CACNA1B: variants seen among roughly 807,000 people sequenced by gnomAD.
CACNA1B encodes calcium voltage-gated channel subunit alpha1 B.
Under a neutral mutation model 247.2 loss-of-function variants are expected in CACNA1B, and 70 were observed. The ratio of observed to expected loss-of-function variants is 0.28; its 90% CI spans 0.23 to 0.35. The LOEUF is 0.35. Ranked by LOEUF, CACNA1B falls within the 10% of genes least tolerant of loss-of-function variation. The pLI, the probability that CACNA1B is intolerant of heterozygous loss-of-function variation, is 1.00. For missense variants in CACNA1B, 2,367 were observed against 3,197.4 expected, an observed-to-expected ratio of 0.74 and a Z score of 6.26; for synonymous variants, 1,231 against 1,294.4, an observed-to-expected ratio of 0.95 and a Z score of 1.05.
At chr9:137,956,107 G>C (rs897522024) in intron 8 of CACNA1B, among the ~76,000 whole-genome samples, 1 of 152,086 alleles carries the variant, frequency 6.6e-6, no homozygotes, top group Non-Finnish European at 1.5e-5. Flanking sequence ...CTGACTCTGG[G>C]TTTTGTCAAG....
chr9:138,107,329 C>T (rs1324657233), intron 39 of CACNA1B, among the ~76,000 whole-genome samples: 8 of 151,890 alleles, frequency 5.3e-5, no homozygotes, highest in Middle Eastern at 6.8e-3. Flanking sequence ...TCACTGCAGC[C>T]TCCACCTCCC....
intron 5 of CACNA1B, among the ~76,000 whole-genome samples, chr9:137,916,837 G>A (rs1957418193): frequency 7.1e-6 from 1 of 141,220 alleles, no homozygotes; most frequent in Non-Finnish European, 1.6e-5. Flanking sequence ...GGCTGTGAGG[G>A]AGGCAGTTTG....
intron 3 of CACNA1B, among the ~76,000 whole-genome samples, chr9:137,897,598 C>CA (rs1488126353): frequency 6.6e-6 from 1 of 152,112 alleles, no homozygotes; most frequent in African/African-American, 2.4e-5. Flanking sequence ...AAAGGAAAAA[C>CA]AAAAAGTTTG....
rs1958367731 is a variant in CACNA1B, at chr9:137,986,769, C to T, written c.1902-13C>T. Reference sequence around the variant, plus strand: ...CGGGACTGCCACTTCCCAAGCCTTCCTGTTTTCCTCAGGTTCAACTTCCAG... The same window carrying T: ...CGGGACTGCCACTTCCCAAGCCTTCTTGTTTTCCTCAGGTTCAACTTCCAG... On this transcript the variant is annotated splice_polypyrimidine_tract_variant and intron_variant, in intron 14 of 46. Coordinates refer to ENST00000371372, the MANE Select transcript of CACNA1B (RefSeq NM_000718.4). This position sits in a 1 kb window ranked among gnomAD's most constrained non-coding sequence, Gnocchi z 6.0. 6.2e-7 allele frequency: 1 copy of T among 1,610,660 alleles called. No homozygotes were observed. The highest frequency in any genetic ancestry group is 8.5e-7 in the Non-Finnish European group (1 of 1,176,874).
chr9:137,977,440 C>T (rs532871402), intron 12 of CACNA1B, among the ~76,000 whole-genome samples: 8 of 142,432 alleles, frequency 5.6e-5, no homozygotes, highest in African/African-American at 2.1e-4. Flanking sequence ...CAGCTGAGCA[C>T]AGAGGGCAGG....
Position 138,078,185 on chromosome 9 carries a change from C to T in CACNA1B, c.5021C>T (p.Ala1674Val). 6.2e-7 allele frequency: 1 copy of T among 1,613,910 alleles called. No homozygotes were observed. ...CLSNQACDEQANATECGSDFA... is the reference protein window; with the variant it reads ...CLSNQACDEQVNATECGSDFA... ...AGCAACCAGGCCTGTGATGAGCAGGCCAATGCCACCGAGTGTGGAAGTGAC... is the reference window on the plus strand; with the variant it reads ...AGCAACCAGGCCTGTGATGAGCAGGTCAATGCCACCGAGTGTGGAAGTGAC... Residue 1674 changes from alanine to valine, a missense_variant, in exon 36 of 47, where the codon GCC (alanine) becomes GTC (valine). Physicochemically the swap from Ala to Val is moderately conservative, Grantham distance 64. Coordinates refer to ENST00000371372, the MANE Select transcript of CACNA1B (RefSeq NM_000718.4).
intron 31 of CACNA1B, among the ~76,000 whole-genome samples, chr9:138,065,954 C>T (rs533169724): frequency 1.4e-4 from 22 of 152,190 alleles, no homozygotes; most frequent in Non-Finnish European, 2.8e-4. Flanking sequence ...AGAGGAGAAT[C>T]TGTCCAGTGA....
intron 6 of CACNA1B, among the ~76,000 whole-genome samples, chr9:137,939,644 A>C (rs973962232): frequency 6.8e-6 from 1 of 147,646 alleles, no homozygotes; most frequent in African/African-American, 2.5e-5. Context: ...CCAAAAATAC[A>C]AAAAAAAAAT....
rs1350336363 is a variant in CACNA1B at position 138,007,538 on chromosome 9, G to T, written c.2092+654G>T. Among the ~76,000 whole-genome samples the T allele has an allele frequency of 6.6e-6, 1 of 152,182 alleles. No individual in the cohort carries two copies. Among genetic ancestry groups the T allele is most frequent in the Non-Finnish European group, 1.5e-5 (1 of 68,026 alleles). On this transcript the variant is annotated intron_variant, in intron 16 of 46. Coordinates refer to ENST00000371372, the MANE Select transcript of CACNA1B (RefSeq NM_000718.4). This position sits in a 1 kb window ranked among gnomAD's most constrained non-coding sequence, Gnocchi z 4.1. ...GTGAGTGGGTCCCCCTGTAGCTGGG[G>T]TGGGAAGTTCAGGCCTAGAAGTGTC...
chr9:138,092,387 G>T (rs903025947), intron 36 of CACNA1B, among the ~76,000 whole-genome samples: 1 of 152,316 alleles, frequency 6.6e-6, no homozygotes, highest in Admixed American at 6.5e-5. Flanking sequence ...GCTGGGAAAA[G>T]AATTCAGCAA....
At chr9:138,071,353 T>C (rs1357551372) in intron 32 of CACNA1B, among the ~76,000 whole-genome samples, 2 of 152,114 alleles carry the variant, frequency 1.3e-5, no homozygotes, top group African/African-American at 4.8e-5. Context: ...ATGGACTCAG[T>C]GAGGTTGGGG....
intron 35 of CACNA1B, among the ~76,000 whole-genome samples, chr9:138,077,033 C>CAA (rs1454906757): frequency 6.6e-6 from 1 of 152,224 alleles, no homozygotes; most frequent in African/African-American, 2.4e-5. Context: ...AGACTTAAGG[C>CAA]AAACCTATGA....
At chr9:138,108,637 C>A (rs978398130) in intron 39 of CACNA1B, among the ~76,000 whole-genome samples, 2 of 151,872 alleles carry the variant, frequency 1.3e-5, no homozygotes, top group African/African-American at 2.4e-5. Context: ...TCAACATAAT[C>A]TTTAAGCAAA....
intron 19 of CACNA1B, among the ~76,000 whole-genome samples, chr9:138,024,542 G>A (rs1050666985): frequency 6.6e-6 from 1 of 152,248 alleles, no homozygotes; most frequent in African/African-American, 2.4e-5. Context: ...ACGTACAGAA[G>A]GCCAGAGTAG....
chr9:137,965,510 A>G (rs1047673300), intron 10 of CACNA1B, among the ~76,000 whole-genome samples: 11 of 152,152 alleles, frequency 7.2e-5, no homozygotes, highest in Non-Finnish European at 8.8e-5. Context: ...GTGAGATCCC[A>G]CCTCTACAAA....
In CACNA1B at chr9:138,120,613, C is replaced by A; in HGVS notation, c.6239-18C>A. 6.7e-7 allele frequency: 1 copy of A among 1,483,106 alleles called. No individual in the cohort carries two copies. 91.9% of individuals were successfully genotyped at this position (1,483,106 alleles called of 1,614,324 possible). Reference sequence around the variant, plus strand: ...GCCTTGGGCCTGGCCGTGCTAACTTCTTCTCTTCCCTGGCCAGCACCAAGC... The same window carrying A: ...GCCTTGGGCCTGGCCGTGCTAACTTATTCTCTTCCCTGGCCAGCACCAAGC... On this transcript the variant is annotated intron_variant, in intron 45 of 46. Transcript: ENST00000371372.
At chr9:138,086,635 A>G (rs1342424811) in intron 36 of CACNA1B, among the ~76,000 whole-genome samples, 1 of 151,380 alleles carries the variant, frequency 6.6e-6, no homozygotes. Flanking sequence ...TATGGACCCA[A>G]CAGTAGAGCA....
chr9:138,121,266 A>G lies in CACNA1B; in HGVS notation c.6490-203A>G, dbSNP rs192281327. On this transcript the variant is annotated intron_variant, in intron 46 of 46. Transcript: ENST00000371372. This position sits in a 1 kb window ranked among gnomAD's most constrained non-coding sequence, Gnocchi z 6.8. Reference sequence around the variant, plus strand: ...CCCATCACCTGCTCTCCCCAACCCCATTCCTGGGCCTGACCCTGACCATCG... The same window carrying G: ...CCCATCACCTGCTCTCCCCAACCCCGTTCCTGGGCCTGACCCTGACCATCG... 1.2e-3 allele frequency among the ~76,000 whole-genome samples: 180 copies of G among 150,116 alleles called. 2 individuals carry two copies. Among genetic ancestry groups the G allele is most frequent in the African/African-American group, 3.7e-3 (150 of 40,762 alleles).
At chr9:138,104,641 G>C (rs1374519834) in intron 38 of CACNA1B, among the ~76,000 whole-genome samples, 1 of 152,200 alleles carries the variant, frequency 6.6e-6, no homozygotes, top group Non-Finnish European at 1.5e-5. Flanking sequence ...TGGATTTGGG[G>C]CCATGATGCT....
Sources: allele counts gnomAD v4.1 joint callset (sites outside exome capture counted in the v4.1 genomes callset), GRCh38; gene constraint gnomAD v4.1.1; non-coding constraint Gnocchi (gnomAD v3.1); transcripts MANE v1.5; gene names NCBI Gene and HGNC (gene_info 2026-07-23, HGNC 2026-07-21).